Variants in TNFRSF1B observed in about 807,000 individuals in gnomAD.
TNFRSF1B encodes the protein tumor necrosis factor receptor superfamily member 1B.
In TNFRSF1B, 19 loss-of-function variants were observed where a neutral mutation model predicts 44.6. The ratio of observed to expected loss-of-function variants is 0.43; its 90% CI spans 0.30 to 0.62. TNFRSF1B has a LOEUF of 0.62. TNFRSF1B is among the 20% of genes least tolerant of loss of function. TNFRSF1B has a pLI of 0.16. For synonymous variants in TNFRSF1B, 252 were observed against 261.1 expected (o/e 0.97, Z 0.34); for missense variants, 541 against 619.9 (o/e 0.87, Z 1.35).
At chr1:12,195,354 G>A (rs977255575) in intron 8 of TNFRSF1B, among the ~76,000 whole-genome samples, 2 of 152,218 alleles carry the variant, frequency 1.3e-5, no homozygotes, top group Non-Finnish European at 2.9e-5. Context: ...AAGAAGTCAA[G>A]GGGTTGGTGT....
At chr1:12,202,276 G>A (rs1156643394) in intron 9 of TNFRSF1B, 105 bp downstream of exon 9, 19 of 1,462,854 alleles carry the variant, frequency 1.3e-5, no homozygotes, top group Non-Finnish European at 1.4e-5. Context: ...AGGGTGGGAC[G>A]AGGCCTGAGC....
At position 12,189,027 on chromosome 1, in the gene TNFRSF1B, C is replaced by G. The variant is rs5746004; in HGVS notation, c.178+132C>G. On this transcript the variant is annotated intron_variant, in intron 2 of 9. Transcript: ENST00000376259. Reference sequence around the variant, plus strand: ...TCTATGCACTGGCCCATGCTCCCTGCTGCTTCTGGGCCTGTGAACATGCTG... The same window carrying G: ...TCTATGCACTGGCCCATGCTCCCTGGTGCTTCTGGGCCTGTGAACATGCTG... 1.2e-3 allele frequency: 875 copies of G among 711,184 alleles called. 9 individuals carry two copies. The African/African-American group carries it at 0.013, about 11-fold the overall frequency. The allele number at this position is 711,184 out of a possible 1,614,324, so 44.1% of individuals were successfully genotyped here. A position where few individuals can be genotyped will look rare whatever the true frequency, so the allele number is the denominator to read the frequency against.
Position 12,180,385 on chromosome 1 carries a change from C to T in TNFRSF1B, c.79-8411C>T, listed in dbSNP as rs1429740372. 6.6e-6 allele frequency among the ~76,000 whole-genome samples: 1 copy of T among 152,236 alleles called. No individual in the cohort carries two copies. The highest frequency in any genetic ancestry group is 6.5e-5 in the Admixed American group (1 of 15,280). ...TGCTTTCAGCTTTTTCCTTCTCCTC[C>T]AGGCCTCCCTTCTTTCCTTCCTCTC... On this transcript the variant is annotated intron_variant, in intron 1 of 9. Coordinates refer to ENST00000376259, the MANE Select transcript of TNFRSF1B (RefSeq NM_001066.3). The surrounding 1 kb of genome is among the most constrained non-coding windows in gnomAD (Gnocchi z 4.3).
At chr1:12,183,800 A>AT (rs1453087609) in intron 1 of TNFRSF1B, among the ~76,000 whole-genome samples, 1,604 of 138,986 alleles carry the variant, frequency 0.012, 22 homozygotes, top group Non-Finnish European at 0.018. Flanking sequence ...CTATCTATCT[A>AT]TCTAGCTATC....
intron 1 of TNFRSF1B, among the ~76,000 whole-genome samples, chr1:12,184,777 G>A (rs1028009794): frequency 5.3e-5 from 8 of 152,224 alleles, no homozygotes; most frequent in Non-Finnish European, 8.8e-5. Flanking sequence ...GAGCCGCCCT[G>A]GCCCTGTGGT....
intron 1 of TNFRSF1B, 51 bp downstream of exon 1, chr1:12,167,220 G>A (rs1171911433): frequency 2.5e-5 from 30 of 1,215,584 alleles, no homozygotes; most frequent in Non-Finnish European, 2.8e-5. Flanking sequence ...ATGTCCACCC[G>A]GCTGGTGCGC....
At chr1:12,184,416 C>A (rs1401576471) in intron 1 of TNFRSF1B, among the ~76,000 whole-genome samples, 4 of 152,130 alleles carry the variant, frequency 2.6e-5, no homozygotes, top group African/African-American at 9.7e-5. Flanking sequence ...CCCCCTCTGC[C>A]AGCTACTGGG....
chr1:12,179,350 G>A (rs1350039563), intron 1 of TNFRSF1B, among the ~76,000 whole-genome samples: 1 of 152,202 alleles, frequency 6.6e-6, no homozygotes, highest in Non-Finnish European at 1.5e-5. Flanking sequence ...CTGGCCTGAT[G>A]TAGCTGCACC....
rs535771252 is a variant in TNFRSF1B, at chr1:12,188,683, G to C, written c.79-113G>C. On this transcript the variant is annotated intron_variant, in intron 1 of 9. Transcript: ENST00000376259. Reference sequence around the variant, plus strand: ...GGAGAAACCTCCCCAGCCATCATCAGTGCAGACTGGCAGGGGGAGGGCCAA... The same window carrying C: ...GGAGAAACCTCCCCAGCCATCATCACTGCAGACTGGCAGGGGGAGGGCCAA... 1.6e-4 allele frequency: 157 copies of C among 973,582 alleles called. 1 individual carries two copies. The African/African-American group carries it at 2.2e-3, about 14-fold the overall frequency. The allele number at this position is 973,582 out of a possible 1,614,324, so 60.3% of individuals were successfully genotyped here. A position where few individuals can be genotyped will look rare whatever the true frequency, so the allele number is the denominator to read the frequency against.
chr1:12,189,491 T>A (rs921057361), intron 2 of TNFRSF1B, among the ~76,000 whole-genome samples: 2 of 152,248 alleles, frequency 1.3e-5, no homozygotes, highest in African/African-American at 4.8e-5. Context: ...TCACAGATGG[T>A]AGACCTGAGG....
At position 12,171,962 on chromosome 1, in the gene TNFRSF1B, T is replaced by A. The variant is rs1247330273; in HGVS notation, c.78+4793T>A. Among the ~76,000 whole-genome samples, 2 of 151,672 alleles carry A rather than the reference T, an allele frequency of 1.3e-5. No individual in the cohort carries two copies. The highest frequency in any genetic ancestry group is 6.6e-5 in the Admixed American group (1 of 15,208). Reference sequence around the variant, plus strand: ...AAAAGTCAGTGGTGGCAGGGTGGGGTTCTGTTTGCCTCCATCTCTTGGGGT... The same window carrying A: ...AAAAGTCAGTGGTGGCAGGGTGGGGATCTGTTTGCCTCCATCTCTTGGGGT... On this transcript the variant is annotated intron_variant, in intron 1 of 9. Coordinates refer to ENST00000376259, the MANE Select transcript of TNFRSF1B (RefSeq NM_001066.3). The surrounding 1 kb of genome is among the most constrained non-coding windows in gnomAD (Gnocchi z 4.5).
intron 1 of TNFRSF1B, among the ~76,000 whole-genome samples, chr1:12,179,207 G>A (rs1442875374): frequency 6.6e-6 from 1 of 152,334 alleles, no homozygotes; most frequent in Admixed American, 6.5e-5. Context: ...CAGGCAGCGA[G>A]TCGGGAGTGG....
chr1:12,195,945 C>CCAG (rs1367301533), intron 8 of TNFRSF1B, among the ~76,000 whole-genome samples: 2 of 152,016 alleles, frequency 1.3e-5, no homozygotes, highest in Non-Finnish European at 2.9e-5. Flanking sequence ...GAGTTCAAGA[C>CCAG]CAGCCTGGGA....
intron 1 of TNFRSF1B, among the ~76,000 whole-genome samples, chr1:12,174,256 CCTTCTT>C (rs893618494): frequency 4.4e-5 from 6 of 137,322 alleles, no homozygotes; most frequent in Admixed American, 3.3e-4. Flanking sequence ...TTCTCCTTCT[CCTTCTT>C]CTTCTGATGG....
chr1:12,177,216 C>T lies in TNFRSF1B; in HGVS notation c.78+10047C>T, dbSNP rs192162738. On this transcript the variant is annotated intron_variant, in intron 1 of 9. Transcript: ENST00000376259. This position sits in a 1 kb window ranked among gnomAD's most constrained non-coding sequence, Gnocchi z 4.3. ...GAGATGGTGTTTCGCCATGTTGGCC[C>T]GGCTGGTCTTGAACTCCTGACCTCA... 1.3e-4 allele frequency among the ~76,000 whole-genome samples: 20 copies of T among 152,158 alleles called. No homozygotes were observed. The highest frequency in any genetic ancestry group is 4.1e-4 in the African/African-American group (17 of 41,536).
rs769860204 is a variant in TNFRSF1B, at chr1:12,168,773, C to A, written c.78+1604C>A. 6.6e-6 allele frequency among the ~76,000 whole-genome samples: 1 copy of A among 152,124 alleles called. No homozygotes were observed. Among genetic ancestry groups the A allele is most frequent in the Non-Finnish European group, 1.5e-5 (1 of 68,020 alleles). On this transcript the variant is annotated intron_variant, in intron 1 of 9. Coordinates refer to ENST00000376259, the MANE Select transcript of TNFRSF1B (RefSeq NM_001066.3). This position sits in a 1 kb window ranked among gnomAD's most constrained non-coding sequence, Gnocchi z 4.7. ...CCCACGACCCCACCCGGACTATTGC[C>A]GCAGCCTTGTAGCTGGTCTCCCGGC...
chr1:12,197,599 T>C (rs170958), intron 8 of TNFRSF1B, among the ~76,000 whole-genome samples: 4,252 of 152,256 alleles, frequency 0.028, 205 homozygotes, highest in African/African-American at 0.096. Flanking sequence ...AGGTTCCATT[T>C]TTCCTGTAGG....
chr1:12,173,758 C>T (rs1638571896), intron 1 of TNFRSF1B, among the ~76,000 whole-genome samples: 1 of 152,212 alleles, frequency 6.6e-6, no homozygotes, highest in Admixed American at 6.5e-5. Flanking sequence ...AGGCCTAGGG[C>T]TTTGGGCCTT....
chr1:12,207,208 A>G lies in TNFRSF1B; in HGVS notation c.*188A>G, dbSNP rs1061624. 277,279 of 537,976 alleles carry G rather than the reference A, an allele frequency of 0.52. 73,598 individuals carry two copies. Among genetic ancestry groups the G allele is most frequent in the Admixed American group, 0.55 (15,329 of 27,656 alleles). The allele number at this position is 537,976 out of a possible 1,614,324, so 33.3% of individuals were successfully genotyped here. A position where few individuals can be genotyped will look rare whatever the true frequency, so the allele number is the denominator to read the frequency against. On this transcript the variant is annotated 3_prime_UTR_variant, in exon 10 of 10. Transcript: ENST00000376259. ...CTGCAGGCCAAGAGCAGAGGCAGCG[A>G]GTTGTGGAAAGCCTCTGCTGCCATG... is the stretch of plus-strand genomic sequence containing the variant.
Sources: gnomAD v4.1 joint callset for allele counts (sites outside exome capture counted in the v4.1 genomes callset) on GRCh38, gnomAD v4.1.1 for gene constraint, Gnocchi (gnomAD v3.1) non-coding constraint, MANE v1.5 for transcripts, NCBI Gene and HGNC (gene_info 2026-07-23, HGNC 2026-07-21) for gene names.